Variants in GALNT1 observed in about 807,000 individuals in gnomAD.
GALNT1 encodes polypeptide N-acetylgalactosaminyltransferase 1.
A neutral mutation model predicts 65.7 loss-of-function variants in GALNT1; 17 were observed. That is an observed-to-expected ratio of 0.26 (90% CI 0.18 to 0.39). The LOEUF is 0.39. GALNT1 is among the 10% of genes least tolerant of loss of function. The pLI, the probability that GALNT1 is intolerant of heterozygous loss-of-function variation, is 1.00. For synonymous variants in GALNT1, 210 were observed against 219.7 expected (o/e 0.96, Z 0.39); for missense variants, 460 against 672.8 (o/e 0.68, Z 3.50).
intron 1 of GALNT1, among the ~76,000 whole-genome samples, chr18:35,619,551 G>C (rs2046825690): frequency 6.6e-6 from 1 of 152,164 alleles, no homozygotes; most frequent in Admixed American, 6.5e-5. Flanking sequence ...ATTGGGAAAA[G>C]GGAGTGACAA....
intron 1 of GALNT1, among the ~76,000 whole-genome samples, chr18:35,589,709 T>G (rs1235220590): frequency 6.6e-6 from 1 of 152,224 alleles, no homozygotes; most frequent in Non-Finnish European, 1.5e-5. Context: ...TTGTGCTTAG[T>G]GGGAGGAATA....
chr18:35,581,647 TAGCCGCCGACCCGAG>T, upstream of GALNT1: 1 of 48 alleles, frequency 0.021, no homozygotes, highest in African/African-American at 0.1. Context: ...GCGCCCGGAG[TAGCCGCCGACCCGAG>T]CCGGGCGCGG....
chr18:35,621,822 T>C (rs1049178493), intron 1 of GALNT1, among the ~76,000 whole-genome samples: 3 of 152,184 alleles, frequency 2.0e-5, no homozygotes, highest in Admixed American at 1.3e-4. Context: ...TGAATGAACA[T>C]TTATTGAATA....
At position 35,636,855 on chromosome 18, in the gene GALNT1, G is replaced by A. The variant is rs75086839; in HGVS notation, c.-103-17705G>A. ...CAACCCTACACTGAAAAAGTCCATA[G>A]GCACCATTTTTCCAACAGCATCTGC... On this transcript the variant is annotated intron_variant, in intron 1 of 11. Transcript: ENST00000269195. 2.4e-3 allele frequency among the ~76,000 whole-genome samples: 321 copies of A among 136,258 alleles called. 3 individuals carry two copies. Among genetic ancestry groups the A allele is most frequent in the Non-Finnish European group, 3.8e-3 (248 of 65,270 alleles). 89.4% of individuals were successfully genotyped at this position (136,258 alleles called of 152,430 possible). A position where few individuals can be genotyped will look rare whatever the true frequency, so the allele number is the denominator to read the frequency against.
chr18:35,661,201 G>A (rs542143429), intron 2 of GALNT1, among the ~76,000 whole-genome samples: 1 of 152,106 alleles, frequency 6.6e-6, no homozygotes, highest in South Asian at 2.1e-4. Context: ...CAAAAGTAGA[G>A]AGAATAGAAA....
At chr18:35,697,645 T>C (rs1238572188) in intron 9 of GALNT1, among the ~76,000 whole-genome samples, 3 of 152,210 alleles carry the variant, frequency 2.0e-5, no homozygotes, top group Non-Finnish European at 4.4e-5. Context: ...GCCCAAGGTC[T>C]CATGGCTAGT....
At chr18:35,676,790 C>T (rs1312220587) in intron 3 of GALNT1, among the ~76,000 whole-genome samples, 1 of 152,144 alleles carries the variant, frequency 6.6e-6, no homozygotes, top group Non-Finnish European at 1.5e-5. Flanking sequence ...TGTTACTGTT[C>T]TCTGATAGGC....
chr18:35,632,799 C>T (rs577429041), intron 1 of GALNT1, among the ~76,000 whole-genome samples: 2 of 152,234 alleles, frequency 1.3e-5, no homozygotes, highest in African/African-American at 4.8e-5. Flanking sequence ...GCAATCTACC[C>T]ATCTGACAAA....
intron 1 of GALNT1, among the ~76,000 whole-genome samples, chr18:35,647,866 A>G (rs1264958095): frequency 6.6e-6 from 1 of 152,036 alleles, no homozygotes; most frequent in Admixed American, 6.6e-5. Flanking sequence ...AATCTTTGGG[A>G]AAATTTGGCA....
At chr18:35,588,397 G>T (rs73946634) in intron 1 of GALNT1, among the ~76,000 whole-genome samples, 2,409 of 152,184 alleles carry the variant, frequency 0.016, 31 homozygotes, top group African/African-American at 0.028. Flanking sequence ...GTTTTATTAT[G>T]ATACATTTCG....
chr18:35,601,959 A>C (rs1346057582), intron 1 of GALNT1, among the ~76,000 whole-genome samples: 1 of 152,172 alleles, frequency 6.6e-6, no homozygotes, highest in Non-Finnish European at 1.5e-5. Context: ...GTTTACTTTT[A>C]CCAGTGAGCT....
intron 3 of GALNT1, among the ~76,000 whole-genome samples, chr18:35,666,517 A>G (rs1451439618): frequency 1.3e-5 from 2 of 152,236 alleles, no homozygotes; most frequent in African/African-American, 4.8e-5. Flanking sequence ...GCCTCAATCA[A>G]CTATTATTGT....
Position 35,710,892 on chromosome 18 carries a change from A to G in GALNT1, c.*1122A>G, listed in dbSNP as rs2048342412. The G allele has an allele frequency of 6.6e-6, 1 of 152,634 alleles. No homozygotes were observed. The highest frequency in any genetic ancestry group is 2.4e-5 in the African/African-American group (1 of 41,442). The allele number at this position is 152,634 out of a possible 1,614,324, so 9.5% of individuals were successfully genotyped here. A position where few individuals can be genotyped will look rare whatever the true frequency, so the allele number is the denominator to read the frequency against. On this transcript the variant is annotated 3_prime_UTR_variant, in exon 12 of 12. Transcript: ENST00000269195. Reference sequence around the variant, plus strand: ...TTTTTTGGAAAACCTTTTTCACTCCATACTCAGATATGCTTCATTGTCAAA... The same window carrying G: ...TTTTTTGGAAAACCTTTTTCACTCCGTACTCAGATATGCTTCATTGTCAAA...
chr18:35,682,988 T>A (rs2047809389), intron 4 of GALNT1, among the ~76,000 whole-genome samples: 1 of 152,006 alleles, frequency 6.6e-6, no homozygotes, highest in Non-Finnish European at 1.5e-5. Context: ...TGAGGAAATT[T>A]CACAATTTTC....
In GALNT1 at chr18:35,679,293, G is replaced by A. The variant is rs113676957; in HGVS notation, c.481+1536G>A. On this transcript the variant is annotated intron_variant, in intron 4 of 11. Coordinates refer to ENST00000269195, the MANE Select transcript of GALNT1 (RefSeq NM_020474.4). ...CTAGATTAAATATATTCTTCCAGAAGAGATACTTAACCTGAGATAAAATGA... is the reference window on the plus strand; with the variant it reads ...CTAGATTAAATATATTCTTCCAGAAAAGATACTTAACCTGAGATAAAATGA... Among the ~76,000 whole-genome samples, 977 of 152,306 alleles carry A rather than the reference G, an allele frequency of 6.4e-3. 19 individuals carry two copies. The highest frequency in any genetic ancestry group is 0.022 in the African/African-American group (927 of 41,558).
At chr18:35,582,615 C>T (rs566534625) in intron 1 of GALNT1, among the ~76,000 whole-genome samples, 2 of 152,188 alleles carry the variant, frequency 1.3e-5, no homozygotes, top group South Asian at 4.1e-4. Context: ...GGGCAATAGG[C>T]AAAGTAGTCT....
At chr18:35,690,628 T>C (rs1307458851) in intron 7 of GALNT1, among the ~76,000 whole-genome samples, 1 of 152,192 alleles carries the variant, frequency 6.6e-6, no homozygotes, top group Non-Finnish European at 1.5e-5. Context: ...GTTTTCTTTA[T>C]TTTAATCTTC....
At chr18:35,695,901 T>G (rs551323421) in intron 9 of GALNT1, among the ~76,000 whole-genome samples, 1 of 152,126 alleles carries the variant, frequency 6.6e-6, no homozygotes, top group African/African-American at 2.4e-5. Context: ...TTTTTTGTTT[T>G]TGTTTTGTTT....
At chr18:35,617,875 C>T (rs1446506449) in intron 1 of GALNT1, among the ~76,000 whole-genome samples, 1 of 151,970 alleles carries the variant, frequency 6.6e-6, no homozygotes, top group African/African-American at 2.4e-5. Flanking sequence ...AAAAGCTTTC[C>T]TTAAAAAAAT....
Sources: allele counts gnomAD v4.1 joint callset (sites outside exome capture counted in the v4.1 genomes callset), GRCh38; gene constraint gnomAD v4.1.1; transcripts MANE v1.5; gene names NCBI Gene and HGNC (gene_info 2026-07-23, HGNC 2026-07-21).